Variants in DCHS1 observed in about 807,000 individuals in gnomAD.
The protein encoded by DCHS1 is dachsous cadherin-related 1.
In DCHS1, 78 loss-of-function variants were observed where a neutral mutation model predicts 213.9. The observed-to-expected ratio is 0.36, with a 90% CI of 0.30 to 0.44. DCHS1 has a LOEUF of 0.44. DCHS1 is among the 20% of genes least tolerant of loss of function. DCHS1 has a pLI of 1.00. For missense variants in DCHS1, 3,946 were observed against 4,395.9 expected (o/e 0.90, Z 2.89); for synonymous variants, 1,828 against 1,873.7 (o/e 0.98, Z 0.63).
In DCHS1 at chr11:6,625,754, G is replaced by A. The variant is rs769373326; in HGVS notation, c.6732-27C>T. 7 of 1,597,248 alleles carry A rather than the reference G, an allele frequency of 4.4e-6. No homozygotes were observed. The African/African-American group carries it at 6.7e-5, about 15-fold the overall frequency. ...TGGACACAAAGCACAATCATCGGGT[G>A]GGACATGGCAATAAGGGGGAACTCT... is the stretch of plus-strand genomic sequence containing the variant. On this transcript the variant is annotated intron_variant, in intron 17 of 20. Transcript: ENST00000299441. This position sits in a 1 kb window ranked among gnomAD's most constrained non-coding sequence, Gnocchi z 5.3.
intron 1 of DCHS1, among the ~76,000 whole-genome samples, chr11:6,648,923 C>A (rs1037501807): frequency 1.3e-5 from 2 of 152,102 alleles, no homozygotes; most frequent in Non-Finnish European, 2.9e-5. Flanking sequence ...CCTGACTCGG[C>A]CACTTAAGCA....
chr11:6,631,394 A>G lies in DCHS1; in HGVS notation c.3689T>C (p.Val1230Ala), dbSNP rs1032607004. ...GGLPIQVPDR[V>A]PPGTLVTTLQ... Reference sequence around the variant, plus strand: ...AGTCGTCACCAGTGTTCCCGGAGGCACGCGGTCTGGTACCTGTGGGAACAC... The same window carrying G: ...AGTCGTCACCAGTGTTCCCGGAGGCGCGCGGTCTGGTACCTGTGGGAACAC... Residue 1230 changes from valine to alanine, a missense_variant, in exon 8 of 21, where the codon GTG (valine) becomes GCG (alanine). Transcript: ENST00000299441. 1.9e-6 allele frequency: 3 copies of G among 1,613,848 alleles called. No individual in the cohort carries two copies.
Position 6,640,494 on chromosome 11 carries a change from G to C in DCHS1, c.1120C>G (p.Gln374Glu). 1 of 1,613,214 alleles carries C rather than the reference G, an allele frequency of 6.2e-7. No homozygotes were observed. Among genetic ancestry groups the C allele is most frequent in the South Asian group, 1.1e-5 (1 of 91,086 alleles). Residue 374 changes from glutamine (Q) to glutamate (E), a missense_variant, in exon 2 of 21, where the codon CAA becomes GAA. Around this residue, in one of 3 missense-constraint regions of DCHS1, gnomAD observed 3,384 missense variants for 3,780.1 expected, o/e 0.90. Coordinates refer to ENST00000299441, the MANE Select transcript of DCHS1 (RefSeq NM_003737.4). This position sits in a 1 kb window ranked among gnomAD's most constrained non-coding sequence, Gnocchi z 6.5. ...CCAGGTGGGGCGGCCTCAGACACTT[G>C]GGGGGAGCCATCTGCACTGAGAAAG... The part of the protein sequence containing the change: ...VIFLSADGSP[Q>E]VSEAAPPGQL...
At position 6,631,689 on chromosome 11, in the gene DCHS1, A is replaced by G. The variant is rs778637968; in HGVS notation, c.3602T>C (p.Val1201Ala). Reference sequence around the variant, plus strand: ...GGGGCTGTTGTCGTTGAGGTCAAGCACTGCAACATGCACAGTGCCTGTGGT... The same window carrying G: ...GGGGCTGTTGTCGTTGAGGTCAAGCGCTGCAACATGCACAGTGCCTGTGGT... ...RSTTGTVHVA[V>A]LDLNDNSPTF... Residue 1201 changes from valine (V) to alanine (A), a missense_variant, in exon 7 of 21, where the codon GTG (valine) becomes GCG (alanine). Val to Ala is a moderately conservative substitution (Grantham distance 64). Transcript: ENST00000299441. 24 of 1,610,258 alleles carry G rather than the reference A, an allele frequency of 1.5e-5. No individual in the cohort carries two copies. Among genetic ancestry groups the G allele is most frequent in the Non-Finnish European group, 2.0e-5 (24 of 1,178,240 alleles).
rs747850327 is a variant in DCHS1 at position 6,625,639 on chromosome 11, G to C, written c.6820C>G (p.Arg2274Gly). The part of the protein sequence containing the change: ...TVMVIDTNDN[R>G]PTIPQPWELR... ...TCCCAGGGTTGGGGGATGGTGGGGC[G>C]ATTGTCATTGGTGTCGATGACCATC... Residue 2274 changes from arginine (R) to glycine (G), a missense_variant, in exon 18 of 21, where the codon CGC (arginine) becomes GGC (glycine). Physicochemically the swap from Arg to Gly is moderately radical, Grantham distance 125 (BLOSUM62 -2). Transcript: ENST00000299441. This position sits in a 1 kb window ranked among gnomAD's most constrained non-coding sequence, Gnocchi z 5.3. 2 of 1,613,566 alleles carry C rather than the reference G, an allele frequency of 1.2e-6. No homozygotes were observed. The highest frequency in any genetic ancestry group is 1.1e-5 in the South Asian group (1 of 91,058).
chr11:6,643,138 A>G (rs926969129), intron 1 of DCHS1, among the ~76,000 whole-genome samples: 1 of 152,122 alleles, frequency 6.6e-6, no homozygotes, highest in African/African-American at 2.4e-5. Flanking sequence ...CTCTGAGTCT[A>G]AGGGAGGTTT....
rs776156556 is a variant in DCHS1 at position 6,622,963 on chromosome 11, G to A, written c.8713C>T (p.Arg2905Trp). ...PRELRLEVIA[R>W]GPLPGSRSAT... ...CTCCGGGAACCAGGCAGAGGCCCCC[G>A]TGCTATCACCTCCAGCCTCAGCTCC... Residue 2905 changes from arginine to tryptophan, a missense_variant, in exon 21 of 21, where the codon CGG (arginine) becomes TGG (tryptophan). By Grantham distance (101) the Arg-to-Trp change is moderately radical. Around this residue, in one of 3 missense-constraint regions of DCHS1, gnomAD observed 554 missense variants for 590.2 expected, o/e 0.94. Transcript: ENST00000299441. The surrounding 1 kb of genome is among the most constrained non-coding windows in gnomAD (Gnocchi z 5.4). The A allele has an allele frequency of 8.9e-6, 14 of 1,576,642 alleles. No individual in the cohort carries two copies. Among genetic ancestry groups the A allele is most frequent in the Non-Finnish European group, 1.1e-5 (13 of 1,161,630 alleles).
In DCHS1 at chr11:6,627,706, C is replaced by T. The variant is rs11040937; in HGVS notation, c.5372-39G>A. The T allele has an allele frequency of 0.36, 573,241 of 1,580,444 alleles. 105,342 individuals carry two copies. The highest frequency in any genetic ancestry group is 0.46 in the East Asian group (20,248 of 44,266). Reference sequence around the variant, plus strand: ...CATGCACATATAAATATACATGTGTCGTGGGGATGGGGGTGATTTACAGAC... The same window carrying T: ...CATGCACATATAAATATACATGTGTTGTGGGGATGGGGGTGATTTACAGAC... On this transcript the variant is annotated intron_variant, in intron 13 of 20. Coordinates refer to ENST00000299441, the MANE Select transcript of DCHS1 (RefSeq NM_003737.4). The surrounding 1 kb of genome is among the most constrained non-coding windows in gnomAD (Gnocchi z 5.4).
chr11:6,621,513 A>C lies in DCHS1; in HGVS notation c.*266T>G, dbSNP rs1467726440. The C allele has an allele frequency of 3.3e-6, 2 of 597,660 alleles. No individual in the cohort carries two copies. Among genetic ancestry groups the C allele is most frequent in the Admixed American group, 4.6e-5 (2 of 43,420 alleles). 37.0% of individuals were successfully genotyped at this position (597,660 alleles called of 1,614,324 possible). On this transcript the variant is annotated 3_prime_UTR_variant, in exon 21 of 21. Coordinates refer to ENST00000299441, the MANE Select transcript of DCHS1 (RefSeq NM_003737.4). ...CCATCTCAGGGTGCTGGTGCAGGGC[A>C]GGGATCCCTCACTGAGGAGAACCCA...
At position 6,641,174 on chromosome 11, in the gene DCHS1, C is replaced by T. The variant is rs755687394; in HGVS notation, c.440G>A (p.Arg147Gln). 5 of 1,613,094 alleles carry T rather than the reference C, an allele frequency of 3.1e-6. No homozygotes were observed. The highest frequency in any genetic ancestry group is 1.1e-5 in the South Asian group (1 of 91,054). Residue 147 changes from arginine to glutamine, a missense_variant, in exon 2 of 21, where the codon CGG (arginine) becomes CAG (glutamine). Physicochemically the swap from Arg to Gln is conservative, Grantham distance 43. This residue lies in a region of DCHS1 where 3,384 missense variants were observed against 3,780.1 expected (regional missense o/e 0.90). Transcript: ENST00000299441. The surrounding 1 kb of genome is among the most constrained non-coding windows in gnomAD (Gnocchi z 7.1). ...NDHAPAFPQA[R>Q]AALQVPEHTA... ...ATGCTCAGGTACCTGCAGGGCAGCC[C>T]GAGCCTGTGGGAAGGCTGGAGCATG... is the stretch of plus-strand genomic sequence containing the variant.
intron 2 of DCHS1, chr11:6,635,048 T>C (rs889969132): frequency 3.3e-5 from 5 of 152,206 alleles, no homozygotes; most frequent in African/African-American, 1.2e-4. Context: ...AAATTCCAGG[T>C]GGGTCCAGGA....
At chr11:6,634,065 C>T in intron 3 of DCHS1, 45 bp from the exon 4 acceptor site, 2 of 1,603,634 alleles carry the variant, frequency 1.2e-6, no homozygotes, top group Non-Finnish European at 8.5e-7. Context: ...TCATCTGGCC[C>T]TGGTGAGTGC....
chr11:6,651,852 G>A (rs889085944), intron 1 of DCHS1, among the ~76,000 whole-genome samples: 2 of 152,128 alleles, frequency 1.3e-5, no homozygotes, highest in Non-Finnish European at 2.9e-5. Flanking sequence ...AAGGAATGAT[G>A]AGATCAGGTT....
At chr11:6,631,461 A>G in intron 7 of DCHS1, 54 bp from the exon 8 acceptor site, 1 of 1,610,424 alleles carries the variant, frequency 6.2e-7, no homozygotes, top group Non-Finnish European at 8.5e-7. Context: ...CAGACAACTC[A>G]GGATAAAGCT....
rs1198932396 is a variant in DCHS1, at chr11:6,622,762, G to A, written c.8914C>T (p.Pro2972Ser). 7 of 1,591,988 alleles carry A rather than the reference G, an allele frequency of 4.4e-6. No individual in the cohort carries two copies. The highest frequency in any genetic ancestry group is 5.1e-6 in the Non-Finnish European group (6 of 1,169,556). Reference protein sequence around the residue: ...RARSRKAEAAPGPMSQAAPLA... With the variant: ...RARSRKAEAASGPMSQAAPLA... Reference sequence around the variant, plus strand: ...GGTGCTGCCTGTGACATTGGGCCAGGGGCTGCCTCAGCCTTGCGGCTACGG... The same window carrying A: ...GGTGCTGCCTGTGACATTGGGCCAGAGGCTGCCTCAGCCTTGCGGCTACGG... The change falls in exon 21 of 21, where the codon CCT (proline) becomes TCT (serine). Residue 2972 changes from proline to serine, a missense_variant. By Grantham distance (74) the Pro-to-Ser change is moderately conservative. Coordinates refer to ENST00000299441, the MANE Select transcript of DCHS1 (RefSeq NM_003737.4). The surrounding 1 kb of genome is among the most constrained non-coding windows in gnomAD (Gnocchi z 5.4).
Position 6,627,318 on chromosome 11 carries a change from G to A in DCHS1, c.5721C>T (p.Ser1907=). Reference sequence around the variant, plus strand: ...CTGCAGCTGTGCGCAGTTCTCCAGAGCTGGGCTCCAGCAGGAAGGCTCCTG... The same window carrying A: ...CTGCAGCTGTGCGCAGTTCTCCAGAACTGGGCTCCAGCAGGAAGGCTCCTG... ...GTAGAFLLEP[S]SGELRTAAAL... is the part of the protein sequence containing the mutation. The change falls in exon 14 of 21, where the codon AGC becomes AGT. Residue 1907 remains serine, a synonymous_variant. Coordinates refer to ENST00000299441, the MANE Select transcript of DCHS1 (RefSeq NM_003737.4). The surrounding 1 kb of genome is among the most constrained non-coding windows in gnomAD (Gnocchi z 5.4). 6.2e-7 allele frequency: 1 copy of A among 1,611,052 alleles called. No homozygotes were observed. The highest frequency in any genetic ancestry group is 1.1e-5 in the South Asian group (1 of 90,694).
At position 6,627,411 on chromosome 11, in the gene DCHS1, C is replaced by CTGCA. The variant is rs1040427770; in HGVS notation, c.5624_5627dup (p.Gln1876HisfsTer7). On this transcript the variant is annotated frameshift_variant, in exon 14 of 21. Coordinates refer to ENST00000299441, the MANE Select transcript of DCHS1 (RefSeq NM_003737.4). LOFTEE classifies it high-confidence loss of function. The surrounding 1 kb of genome is among the most constrained non-coding windows in gnomAD (Gnocchi z 5.4). ...CAGCATCAGGGTCATGAGCCTGTAG[C>CTGCA]TGCAGCAGCAGGGTCCCTGCAGGCA... is the stretch of plus-strand genomic sequence containing the variant. 1 of 1,610,206 alleles carries CTGCA rather than the reference C, an allele frequency of 6.2e-7. No individual in the cohort carries two copies. The highest frequency in any genetic ancestry group is 8.5e-7 in the Non-Finnish European group (1 of 1,178,334).
chr11:6,630,238 G>T lies in DCHS1; in HGVS notation c.4556C>A (p.Pro1519His). Residue 1519 changes from proline to histidine, a missense_variant, in exon 10 of 21, where the codon CCC (proline) becomes CAC (histidine). Physicochemically the swap from Pro to His is moderately conservative, Grantham distance 77 (BLOSUM62 -2). This residue lies in a region of DCHS1 where 3,384 missense variants were observed against 3,780.1 expected (regional missense o/e 0.90). Transcript: ENST00000299441. Reference sequence around the variant, plus strand: ...TGCACGACGGCGGCTGGCGTTGGCGGGCCGGTCGGTGGCTTCCACCAGCAG... The same window carrying T: ...TGCACGACGGCGGCTGGCGTTGGCGTGCCGGTCGGTGGCTTCCACCAGCAG... ...LLLLVEATDR[P>H]ANASRRRAAR... The T allele has an allele frequency of 6.4e-7, 1 of 1,550,952 alleles. No homozygotes were observed. The highest frequency in any genetic ancestry group is 8.7e-7 in the Non-Finnish European group (1 of 1,151,074).
Position 6,630,550 on chromosome 11 carries a change from G to A in DCHS1, c.4244C>T (p.Ala1415Val). The change falls in exon 10 of 21, where the codon GCG (alanine) becomes GTG (valine). Residue 1415 changes from alanine (A) to valine (V), a missense_variant. Transcript: ENST00000299441. ...LTVRAEGPGG[A>V]GARLLRVQVQ... ...CTGCACTCGCAGCAGCCGCGCGCCCGCGCCTCCCGGCCCCTCAGCGCGTAC... is the reference window on the plus strand; with the variant it reads ...CTGCACTCGCAGCAGCCGCGCGCCCACGCCTCCCGGCCCCTCAGCGCGTAC... The A allele has an allele frequency of 6.5e-7, 1 of 1,533,654 alleles. No homozygotes were observed. Among genetic ancestry groups the A allele is most frequent in the Non-Finnish European group, 8.7e-7 (1 of 1,147,312 alleles).
Sources: gnomAD v4.1 joint callset for allele counts (sites outside exome capture counted in the v4.1 genomes callset) on GRCh38, gnomAD v4.1.1 for gene constraint, gnomAD v4.1.1 regional missense constraint, Gnocchi (gnomAD v3.1) non-coding constraint, MANE v1.5 for transcripts, NCBI Gene and HGNC (gene_info 2026-07-23, HGNC 2026-07-21) for gene names.